GRIN2A: variants seen among roughly 807,000 people sequenced by gnomAD.
GRIN2A encodes the protein glutamate ionotropic receptor NMDA type subunit 2A.
In GRIN2A, 22 loss-of-function variants were observed where a neutral mutation model predicts 113.4. The observed-to-expected ratio is 0.19, with a 90% CI of 0.14 to 0.28. The LOEUF (loss-of-function observed/expected upper bound fraction) is 0.28, where lower values mean the gene tolerates loss of function less well. Among genes scored for constraint, GRIN2A ranks in the 10% least tolerant of loss-of-function variants. The pLI, the probability that GRIN2A is intolerant of heterozygous loss-of-function variation, is 1.00. For missense variants in GRIN2A, 1,502 were observed against 1,887.0 expected, an observed-to-expected ratio of 0.80 and a Z score of 3.78; for synonymous variants, 827 against 738.4, an observed-to-expected ratio of 1.12 and a Z score of -1.94.
At chr16:9,960,213 T>C (rs555460935) in intron 2 of GRIN2A, among the ~76,000 whole-genome samples, 16 of 152,292 alleles carry the variant, frequency 1.1e-4, no homozygotes, top group African/African-American at 3.6e-4. Context: ...GTTGAATAAA[T>C]ACTGAATGAA....
chr16:9,774,094 T>G (rs947676298), intron 11 of GRIN2A, among the ~76,000 whole-genome samples: 1 of 152,008 alleles, frequency 6.6e-6, no homozygotes, highest in Non-Finnish European at 1.5e-5. Context: ...CACTGGCTGC[T>G]TGGGTCAGGC....
chr16:10,067,275 A>G (rs1476624282), intron 2 of GRIN2A, among the ~76,000 whole-genome samples: 2 of 152,182 alleles, frequency 1.3e-5, no homozygotes, highest in South Asian at 2.1e-4. Context: ...CACATAAAAT[A>G]CCCACGAAAA....
chr16:10,102,855 A>G (rs1174140960), intron 2 of GRIN2A, among the ~76,000 whole-genome samples: 1 of 152,158 alleles, frequency 6.6e-6, no homozygotes, highest in African/African-American at 2.4e-5. Context: ...GACTACATTT[A>G]TCCTCCCTTC....
chr16:9,990,795 G>T (rs1005638457), intron 2 of GRIN2A, among the ~76,000 whole-genome samples: 1 of 152,008 alleles, frequency 6.6e-6, no homozygotes, highest in African/African-American at 2.4e-5. Context: ...GGCTAGGTGC[G>T]GTGGCTCACG....
chr16:10,015,252 C>CAAAAAAAAAAAAAA (rs200124835), intron 2 of GRIN2A, among the ~76,000 whole-genome samples: 7 of 19,294 alleles, frequency 3.6e-4, no homozygotes, highest in Admixed American at 1.7e-3. Context: ...GACTTCATCT[C>CAAAAAAAAAAAAAA]AAAAAAAAAA....
At chr16:9,947,764 C>A (rs543012685) in intron 2 of GRIN2A, among the ~76,000 whole-genome samples, 37 of 152,056 alleles carry the variant, frequency 2.4e-4, no homozygotes, top group Non-Finnish European at 3.4e-4. Flanking sequence ...TCCTTACTAG[C>A]TCTGAGGCTC....
At chr16:9,983,495 A>G (rs1329777757) in intron 2 of GRIN2A, among the ~76,000 whole-genome samples, 1 of 148,044 alleles carries the variant, frequency 6.8e-6, no homozygotes, top group African/African-American at 2.5e-5. Context: ...GCTGGAGTGC[A>G]GTGGCGTGAT....
At chr16:10,072,521 G>A (rs1171705874) in intron 2 of GRIN2A, among the ~76,000 whole-genome samples, 1 of 152,176 alleles carries the variant, frequency 6.6e-6, no homozygotes, top group African/African-American at 2.4e-5. Context: ...CTGTGCCCTA[G>A]GATGGAGGGA....
intron 3 of GRIN2A, among the ~76,000 whole-genome samples, chr16:9,904,773 T>A (rs777401366): frequency 6.6e-6 from 1 of 152,110 alleles, no homozygotes; most frequent in Non-Finnish European, 1.5e-5. Flanking sequence ...CCAGATACCA[T>A]CCCTCTGGGG....
At chr16:9,867,790 C>G (rs1309470957) in intron 4 of GRIN2A, among the ~76,000 whole-genome samples, 1 of 152,008 alleles carries the variant, frequency 6.6e-6, no homozygotes, top group Non-Finnish European at 1.5e-5. Flanking sequence ...TCTGACTTGT[C>G]TTTCCTCTCC....
rs1902102428 is a variant in GRIN2A at position 9,784,440 on chromosome 16, C to CAA, written c.2356+13836_2356+13837insTT. Among the ~76,000 whole-genome samples, 75 of 81,612 alleles carry CAA rather than the reference C, an allele frequency of 9.2e-4. 1 individual carries two copies. The highest frequency in any genetic ancestry group is 3.9e-3 in the African/African-American group (72 of 18,406). 53.5% of individuals were successfully genotyped at this position (81,612 alleles called of 152,430 possible). ...AGCAAAACTCTAACAACAACAACAA[C>CAA]CAAAAAAAAAAAACAAACAAACAAA... On this transcript the variant is annotated intron_variant, in intron 11 of 12. Transcript: ENST00000330684.
chr16:10,026,668 G>C (rs151197745), intron 2 of GRIN2A, among the ~76,000 whole-genome samples: 3 of 152,252 alleles, frequency 2.0e-5, no homozygotes, highest in South Asian at 2.1e-4. Flanking sequence ...AAGGAAAGAA[G>C]ACCACCACCA....
At chr16:9,994,968 G>A (rs1050782288) in intron 2 of GRIN2A, among the ~76,000 whole-genome samples, 1 of 152,184 alleles carries the variant, frequency 6.6e-6, no homozygotes, top group African/African-American at 2.4e-5. Context: ...GACAAGGGAG[G>A]GGAGGGGCTC....
intron 2 of GRIN2A, chr16:10,111,388 A>G (rs4782258): frequency 0.56 from 270,271 of 480,008 alleles, 77,936 homozygotes; most frequent in Middle Eastern, 0.64. Context: ...CAGCATGGCG[A>G]ACCATCTGAT....
intron 7 of GRIN2A, among the ~76,000 whole-genome samples, chr16:9,835,587 C>T (rs1362502641): frequency 6.6e-6 from 1 of 152,088 alleles, no homozygotes; most frequent in African/African-American, 2.4e-5. Context: ...CTATAGACAC[C>T]AATGAACTTA....
chr16:9,763,722 G>A lies in GRIN2A; in HGVS notation c.3822C>T (p.Asn1274=), dbSNP rs1900707436. Residue 1274 remains asparagine, a synonymous_variant, in exon 13 of 13, where the codon AAC becomes AAT. Coordinates refer to ENST00000330684, the MANE Select transcript of GRIN2A (RefSeq NM_001134407.3). ...EQVYQQDWAQ[N]NALQLQKNKL... ...TGTTCTTTTGTAATTGAAGGGCATTGTTCTGTGCCCAGTCCTGCTGGTAGA... is the reference window on the plus strand; with the variant it reads ...TGTTCTTTTGTAATTGAAGGGCATTATTCTGTGCCCAGTCCTGCTGGTAGA... 6.2e-7 allele frequency: 1 copy of A among 1,614,156 alleles called. No homozygotes were observed. The highest frequency in any genetic ancestry group is 8.5e-7 in the Non-Finnish European group (1 of 1,180,024).
intron 2 of GRIN2A, among the ~76,000 whole-genome samples, chr16:10,169,258 T>G (rs1263060852): frequency 6.6e-6 from 1 of 152,208 alleles, no homozygotes; most frequent in Non-Finnish European, 1.5e-5. Flanking sequence ...CATCTTTAGA[T>G]ATCACTCCTC....
At chr16:9,778,699 A>G (rs1005767644) in intron 11 of GRIN2A, among the ~76,000 whole-genome samples, 1 of 152,188 alleles carries the variant, frequency 6.6e-6, no homozygotes, top group Non-Finnish European at 1.5e-5. Context: ...TCTTTTACCT[A>G]GTAGACAACC....
rs1596589878 is a variant in GRIN2A at position 10,182,414 on chromosome 16, T to G, written c.-556A>C. ...ACCGGGAGCTGCTGAGCGAGGGAGG[T>G]AGGGAGAGAAAGAGGAGGTAACGAG... On this transcript the variant is annotated 5_prime_UTR_variant, in exon 1 of 13. Transcript: ENST00000330684. 1 of 149,126 alleles carries G rather than the reference T, an allele frequency of 6.7e-6. No homozygotes were observed. The highest frequency in any genetic ancestry group is 2.5e-5 in the African/African-American group (1 of 40,284). 9.2% of individuals were successfully genotyped at this position (149,126 alleles called of 1,614,324 possible).
Sources: gnomAD v4.1 joint callset for allele counts (sites outside exome capture counted in the v4.1 genomes callset) on GRCh38, gnomAD v4.1.1 for gene constraint, MANE v1.5 for transcripts, NCBI Gene and HGNC (gene_info 2026-07-23, HGNC 2026-07-21) for gene names.